Variants in DPP10 observed in about 807,000 individuals in gnomAD.
DPP10 encodes the protein dipeptidyl peptidase like 10, also known as inactive dipeptidyl peptidase 10.
A neutral mutation model predicts 120.9 loss-of-function variants in DPP10; 33 were observed. That is an observed-to-expected ratio of 0.27 (90% CI 0.21 to 0.37). DPP10 has a LOEUF of 0.37. Among genes scored for constraint, DPP10 ranks in the 10% least tolerant of loss-of-function variants. DPP10 has a pLI of 1.00. For missense variants in DPP10, 816 were observed against 942.8 expected, an observed-to-expected ratio of 0.87 and a Z score of 1.76; for synonymous variants, 337 against 326.1, an observed-to-expected ratio of 1.03 and a Z score of -0.36.
chr2:115,235,715 A>G (rs2057965470), intron 1 of DPP10, among the ~76,000 whole-genome samples: 1 of 151,998 alleles, frequency 6.6e-6, no homozygotes, highest in South Asian at 2.1e-4. Flanking sequence ...GTGCATGCCA[A>G]CACACCCAGC....
intron 1 of DPP10, among the ~76,000 whole-genome samples, chr2:115,066,175 A>G (rs2105421621): frequency 6.6e-6 from 1 of 152,304 alleles, no homozygotes; most frequent in South Asian, 2.1e-4. Flanking sequence ...CATTACAAAT[A>G]AGGATTCATT....
intron 10 of DPP10, among the ~76,000 whole-genome samples, chr2:115,748,470 G>T (rs533531424): frequency 6.6e-6 from 1 of 151,958 alleles, no homozygotes; most frequent in African/African-American, 2.4e-5. Context: ...ATACATATAT[G>T]ATTATGTCTA....
At chr2:114,971,213 T>C (rs1348797638) in intron 1 of DPP10, among the ~76,000 whole-genome samples, 1 of 152,188 alleles carries the variant, frequency 6.6e-6, no homozygotes, top group Non-Finnish European at 1.5e-5. Flanking sequence ...CTAATTCAAA[T>C]TTTGAGGTCA....
chr2:115,780,854 C>T lies in DPP10; in HGVS notation c.1362-20C>T. ...TAGAATAGTAGCATTTCTATAATAA[C>T]TTCCTTTTTCTTTCTCCAGTGCTTC... On this transcript the variant is annotated intron_variant, in intron 15 of 25. Coordinates refer to ENST00000410059, the MANE Select transcript of DPP10 (RefSeq NM_020868.6). 6.3e-7 allele frequency: 1 copy of T among 1,591,894 alleles called. No individual in the cohort carries two copies. Among genetic ancestry groups the T allele is most frequent in the Non-Finnish European group, 8.6e-7 (1 of 1,167,672 alleles).
intron 3 of DPP10, chr2:115,468,528 G>A (rs2074475377): frequency 4.6e-6 from 2 of 432,550 alleles, no homozygotes; most frequent in South Asian, 3.4e-5. Flanking sequence ...TGTGGACATT[G>A]CCATCCCACT....
intron 1 of DPP10, among the ~76,000 whole-genome samples, chr2:115,216,894 TACGTATAC>T (rs1287920772): frequency 6.6e-6 from 1 of 151,960 alleles, no homozygotes; most frequent in Admixed American, 6.6e-5. Flanking sequence ...TATATGTGTA[TACGTATAC>T]ACATATATAC....
chr2:115,613,350 G>A (rs2084255976), intron 5 of DPP10, among the ~76,000 whole-genome samples: 1 of 152,196 alleles, frequency 6.6e-6, no homozygotes, highest in Non-Finnish European at 1.5e-5. Flanking sequence ...GTGGCATAAA[G>A]TATTAGTGTT....
intron 5 of DPP10, among the ~76,000 whole-genome samples, chr2:115,559,579 TAATAG>T (rs1387017011): frequency 6.6e-6 from 1 of 152,164 alleles, no homozygotes; most frequent in Non-Finnish European, 1.5e-5. Context: ...AATATTAAAA[TAATAG>T]AATAGAACAT....
intron 2 of DPP10, among the ~76,000 whole-genome samples, chr2:115,332,877 G>A (rs2062843281): frequency 6.6e-6 from 1 of 152,066 alleles, no homozygotes; most frequent in Non-Finnish European, 1.5e-5. Context: ...GGTGTGGTGT[G>A]GTGCTGAAAA....
chr2:114,549,445 G>T (rs937912447), intron 1 of DPP10, among the ~76,000 whole-genome samples: 1 of 152,064 alleles, frequency 6.6e-6, no homozygotes, highest in Non-Finnish European at 1.5e-5. Flanking sequence ...GGCAGATCAC[G>T]TGGTCAGGAG....
In DPP10 at chr2:114,442,849, G is replaced by A; in HGVS notation, c.60+11G>A. 6.2e-7 allele frequency: 1 copy of A among 1,613,166 alleles called. No individual in the cohort carries two copies. Among genetic ancestry groups the A allele is most frequent in the Non-Finnish European group, 8.5e-7 (1 of 1,179,440 alleles). ...TCAAAAACAATCAAGGTAGGATCTG[G>A]TTTTTCCCTCTGCTTCTGCACATGT... On this transcript the variant is annotated intron_variant, in intron 1 of 25. Coordinates refer to ENST00000410059, the MANE Select transcript of DPP10 (RefSeq NM_020868.6).
chr2:114,862,104 T>G (rs1336630781), intron 1 of DPP10, among the ~76,000 whole-genome samples: 2 of 152,192 alleles, frequency 1.3e-5, no homozygotes, highest in Non-Finnish European at 2.9e-5. Context: ...ACCCAGAATT[T>G]TATTACCCAT....
At chr2:114,638,385 A>G (rs1296879840) in intron 1 of DPP10, among the ~76,000 whole-genome samples, 3 of 151,864 alleles carry the variant, frequency 2.0e-5, no homozygotes, top group Admixed American at 6.6e-5. Context: ...CAAACCATAC[A>G]TCTAACGAAG....
At chr2:115,534,214 C>T (rs922883730) in intron 5 of DPP10, among the ~76,000 whole-genome samples, 15 of 151,956 alleles carry the variant, frequency 9.9e-5, no homozygotes, top group African/African-American at 3.1e-4. Flanking sequence ...CACCCACTAA[C>T]TCGTCATCTA....
chr2:115,482,033 C>T (rs1254702117), intron 3 of DPP10, among the ~76,000 whole-genome samples: 1 of 151,964 alleles, frequency 6.6e-6, no homozygotes, highest in African/African-American at 2.4e-5. Flanking sequence ...AAATACCAGG[C>T]AAATGGCACA....
At chr2:115,686,544 T>A (rs1438609856) in intron 5 of DPP10, among the ~76,000 whole-genome samples, 1 of 151,984 alleles carries the variant, frequency 6.6e-6, no homozygotes, top group African/African-American at 2.4e-5. Context: ...CTGCAAACAA[T>A]GAAAATTGTC....
intron 3 of DPP10, among the ~76,000 whole-genome samples, chr2:115,375,774 A>G (rs1166122377): frequency 6.6e-6 from 1 of 152,162 alleles, no homozygotes; most frequent in Non-Finnish European, 1.5e-5. Flanking sequence ...ACGTCTTACC[A>G]TGGTGGAGTG....
At chr2:114,822,027 G>A (rs571490944) in intron 1 of DPP10, among the ~76,000 whole-genome samples, 19 of 152,264 alleles carry the variant, frequency 1.2e-4, no homozygotes, top group African/African-American at 4.1e-4. Flanking sequence ...TCTTCTCACA[G>A]CTCTACTAGG....
At chr2:114,627,427 C>G (rs1415476082) in intron 1 of DPP10, among the ~76,000 whole-genome samples, 1 of 152,058 alleles carries the variant, frequency 6.6e-6, no homozygotes, top group Non-Finnish European at 1.5e-5. Context: ...CACCCCATGC[C>G]AGAGAAGTAT....
Sources: gnomAD v4.1 joint callset for allele counts (sites outside exome capture counted in the v4.1 genomes callset) on GRCh38, gnomAD v4.1.1 for gene constraint, MANE v1.5 for transcripts, NCBI Gene and HGNC (gene_info 2026-07-23, HGNC 2026-07-21) for gene names.